Variants in CELF4 observed in about 807,000 individuals in gnomAD.
The protein encoded by CELF4 is CUGBP Elav-like family member 4.
A neutral mutation model predicts 59.9 loss-of-function variants in CELF4; 18 were observed. That is an observed-to-expected ratio of 0.30 (90% CI 0.21 to 0.45). CELF4 has a LOEUF of 0.45. CELF4 is among the 20% of genes least tolerant of loss of function. The probability of loss-of-function intolerance (pLI) is 1.00; values close to 1 mark genes in which losing one functional copy is unlikely to be tolerated. For synonymous variants in CELF4, 261 were observed against 267.1 expected, an observed-to-expected ratio of 0.98 and a Z score of 0.22; for missense variants, 456 against 689.0, an observed-to-expected ratio of 0.66 and a Z score of 3.79.
intron 2 of CELF4, among the ~76,000 whole-genome samples, chr18:37,372,439 C>G (rs2098907737): frequency 6.6e-6 from 1 of 152,136 alleles, no homozygotes; most frequent in Non-Finnish European, 1.5e-5. Context: ...AATGAGAACA[C>G]TTGGACACAG....
At chr18:37,450,796 G>A (rs1007118855) in intron 2 of CELF4, among the ~76,000 whole-genome samples, 3 of 151,960 alleles carry the variant, frequency 2.0e-5, no homozygotes, top group African/African-American at 7.3e-5. Context: ...TCACTCCTTG[G>A]GACGTTCCTG....
rs546115479 is a variant in CELF4 at position 37,327,203 on chromosome 18, G to T, written c.370-5322C>A. Among the ~76,000 whole-genome samples, 3 of 152,214 alleles carry T rather than the reference G, an allele frequency of 2.0e-5. No individual in the cohort carries two copies. The South Asian group carries it at 6.3e-4, about 32-fold the overall frequency. ...CCTGCCTCCTCTTGCATCTGGTTCT[G>T]GTTCTGTGCTGCCAAGTCTACTCCC... is the stretch of plus-strand genomic sequence containing the variant. On this transcript the variant is annotated intron_variant, in intron 2 of 12. Coordinates refer to ENST00000420428, the MANE Select transcript of CELF4 (RefSeq NM_020180.4).
chr18:37,280,050 G>C (rs1191674198), intron 3 of CELF4, among the ~76,000 whole-genome samples: 1 of 152,198 alleles, frequency 6.6e-6, no homozygotes, highest in Non-Finnish European at 1.5e-5. Context: ...ACAGGACGTA[G>C]GTGCTCATCC....
intron 2 of CELF4, among the ~76,000 whole-genome samples, chr18:37,335,023 CCCCTCTCT>C (rs2097715036): frequency 6.6e-6 from 1 of 151,012 alleles, no homozygotes; most frequent in Non-Finnish European, 1.5e-5. Flanking sequence ...CCTCTGCTCC[CCCCTCTCT>C]CCCTCTGCCC....
intron 1 of CELF4, among the ~76,000 whole-genome samples, chr18:37,556,674 C>T (rs2099984912): frequency 6.6e-6 from 1 of 152,138 alleles, no homozygotes; most frequent in Non-Finnish European, 1.5e-5. Context: ...CCTGTTTGAA[C>T]TCAGACAGCC....
Position 37,500,522 on chromosome 18 carries a change from TTTTC to T in CELF4, c.287-14919_287-14916del, listed in dbSNP as rs1473593080. On this transcript the variant is annotated intron_variant, in intron 1 of 12. Transcript: ENST00000420428. ...TTGCCTTCTAGCTCATTTTCTTTTC[TTTTC>T]TTTTCTTTTTCTTTTTTTTTTTTTT... Among the ~76,000 whole-genome samples the T allele has an allele frequency of 3.2e-5, 3 of 94,982 alleles. No homozygotes were observed. In the South Asian group the frequency reaches 1.5e-3, roughly 47 times the overall value. The allele number at this position is 94,982 out of a possible 152,430, so 62.3% of individuals were successfully genotyped here. A position where few individuals can be genotyped will look rare whatever the true frequency, so the allele number is the denominator to read the frequency against.
At chr18:37,307,022 G>A (rs1461659861) in intron 3 of CELF4, among the ~76,000 whole-genome samples, 2 of 152,030 alleles carry the variant, frequency 1.3e-5, no homozygotes, top group Non-Finnish European at 2.9e-5. Flanking sequence ...GGGGGCAGGT[G>A]GGAGTGCTGC....
intron 2 of CELF4, among the ~76,000 whole-genome samples, chr18:37,349,901 G>A (rs374624925): frequency 1.2e-4 from 18 of 152,150 alleles, no homozygotes; most frequent in African/African-American, 2.2e-4. Context: ...AAGGGGAGCC[G>A]GCCAGAGTTC....
intron 2 of CELF4, among the ~76,000 whole-genome samples, chr18:37,385,349 C>T (rs1290927906): frequency 6.8e-5 from 5 of 73,338 alleles, no homozygotes; most frequent in South Asian, 5.7e-4. Context: ...TGCAAGACTC[C>T]ATCTCAAAAA....
At chr18:37,332,288 G>GA (rs1311769440) in intron 2 of CELF4, among the ~76,000 whole-genome samples, 3 of 152,128 alleles carry the variant, frequency 2.0e-5, no homozygotes, top group Non-Finnish European at 2.9e-5. Context: ...GAGTCTGCAG[G>GA]ATGTGGGGTG....
intron 2 of CELF4, among the ~76,000 whole-genome samples, chr18:37,361,062 C>T (rs1455433782): frequency 6.6e-6 from 1 of 152,046 alleles, no homozygotes; most frequent in Non-Finnish European, 1.5e-5. Context: ...ATGTTGGGGC[C>T]CCCAGCAATG....
chr18:37,332,679 A>G (rs1306279183), intron 2 of CELF4, among the ~76,000 whole-genome samples: 2 of 152,204 alleles, frequency 1.3e-5, no homozygotes, highest in Non-Finnish European at 2.9e-5. Flanking sequence ...AGGGGGAAGG[A>G]GGGAGCCCCT....
At chr18:37,431,039 G>A (rs947127702) in intron 2 of CELF4, among the ~76,000 whole-genome samples, 5 of 152,230 alleles carry the variant, frequency 3.3e-5, no homozygotes, top group African/African-American at 1.2e-4. Context: ...CCTGGGGCAA[G>A]TATAGGGAGG....
chr18:37,503,351 C>T (rs1193844646), intron 1 of CELF4, among the ~76,000 whole-genome samples: 3 of 152,300 alleles, frequency 2.0e-5, no homozygotes, highest in Non-Finnish European at 1.5e-5. Flanking sequence ...AGGGCAGGCT[C>T]GGCGAGCTCT....
At chr18:37,329,512 A>C (rs1569565072) in intron 2 of CELF4, among the ~76,000 whole-genome samples, 1 of 152,258 alleles carries the variant, frequency 6.6e-6, no homozygotes, top group Non-Finnish European at 1.5e-5. Flanking sequence ...CAATAGACTC[A>C]TCTTTGCTGA....
chr18:37,395,616 C>T (rs890552765), intron 2 of CELF4, among the ~76,000 whole-genome samples: 2 of 152,188 alleles, frequency 1.3e-5, no homozygotes, highest in East Asian at 3.9e-4. Flanking sequence ...TGCTAGGGTC[C>T]CCATCTCACA....
intron 1 of CELF4, among the ~76,000 whole-genome samples, chr18:37,540,651 C>T (rs1397036216): frequency 6.6e-6 from 1 of 152,132 alleles, no homozygotes; most frequent in African/African-American, 2.4e-5. Context: ...GCTGACTCAC[C>T]CCTGGACAGC....
intron 1 of CELF4, among the ~76,000 whole-genome samples, chr18:37,511,531 C>T (rs1294299248): frequency 6.6e-6 from 1 of 151,908 alleles, no homozygotes; most frequent in East Asian, 1.9e-4. Context: ...GCCTGTGACA[C>T]TCTTGGTCTA....
intron 2 of CELF4, among the ~76,000 whole-genome samples, chr18:37,341,180 T>C (rs2098011872): frequency 6.6e-6 from 1 of 152,178 alleles, no homozygotes; most frequent in African/African-American, 2.4e-5. Context: ...ATGGTTTGAA[T>C]AACCAGGCTC....
Sources: allele counts gnomAD v4.1 joint callset (sites outside exome capture counted in the v4.1 genomes callset), GRCh38; gene constraint gnomAD v4.1.1; transcripts MANE v1.5; gene names NCBI Gene and HGNC (gene_info 2026-07-23, HGNC 2026-07-21).